The following SP140L variants were observed in gnomAD, a reference collection of about 807,000 sequenced individuals.
SP140L encodes the protein SP140 like nuclear body protein, also known as nuclear body protein SP140-like protein.
In SP140L, 64 loss-of-function variants were observed where a neutral mutation model predicts 84.3. That is an observed-to-expected ratio of 0.76 (90% CI 0.62 to 0.94). The LOEUF is 0.94. Ranked by LOEUF, SP140L falls within the 40% of genes least tolerant of loss-of-function variation. The pLI, the probability that SP140L is intolerant of heterozygous loss-of-function variation, is 0.00. For synonymous variants in SP140L, 242 were observed against 236.9 expected (o/e 1.02, Z -0.20); for missense variants, 628 against 692.5 (o/e 0.91, Z 1.05).
chr2:230,393,297 G>A, intron 12 of SP140L, 117 bp from the exon 13 acceptor site: 1 of 1,111,420 alleles, frequency 9.0e-7, no homozygotes, highest in South Asian at 1.6e-5. Flanking sequence ...CAGACACACT[G>A]GGTTTGAGCT....
intron 7 of SP140L, among the ~76,000 whole-genome samples, chr2:230,382,690 C>T (rs947852252): frequency 2.0e-5 from 3 of 152,200 alleles, no homozygotes; most frequent in African/African-American, 7.2e-5. Flanking sequence ...AGGGTCACAA[C>T]AGAATCCTGA....
intron 6 of SP140L, 118 bp downstream of exon 6, chr2:230,371,085 C>A: frequency 3.5e-6 from 3 of 855,320 alleles, no homozygotes; most frequent in Non-Finnish European, 3.8e-6. Flanking sequence ...TTGCCTCACC[C>A]AAGCCTTTGG....
At chr2:230,357,304 G>C (rs542913631) in intron 2 of SP140L, among the ~76,000 whole-genome samples, 13 of 152,170 alleles carry the variant, frequency 8.5e-5, no homozygotes, top group African/African-American at 2.9e-4. Context: ...TATTATTTAT[G>C]AATTAATTTT....
At chr2:230,353,804 C>T (rs1173080884) in intron 2 of SP140L, among the ~76,000 whole-genome samples, 1 of 151,872 alleles carries the variant, frequency 6.6e-6, no homozygotes, top group Non-Finnish European at 1.5e-5. Flanking sequence ...TGTTTTATTT[C>T]TCTAAAAATG....
intron 5 of SP140L, among the ~76,000 whole-genome samples, chr2:230,365,094 G>C (rs1384545626): frequency 1.3e-5 from 2 of 152,038 alleles, no homozygotes; most frequent in African/African-American, 4.8e-5. Flanking sequence ...ATGTTTATCA[G>C]GGATACTGGC....
intron 4 of SP140L, among the ~76,000 whole-genome samples, chr2:230,359,334 C>T (rs1300259190): frequency 2.6e-5 from 4 of 152,120 alleles, no homozygotes; most frequent in Non-Finnish European, 5.9e-5. Flanking sequence ...GCTTCACTGG[C>T]CACTTAGACT....
Position 230,385,080 on chromosome 2 carries a change from A to G in SP140L, c.704-144A>G, listed in dbSNP as rs915720373. 3.1e-5 allele frequency: 21 copies of G among 670,880 alleles called. No homozygotes were observed. In the Admixed American group the frequency reaches 6.0e-4, roughly 19 times the overall value. 41.6% of individuals were successfully genotyped at this position (670,880 alleles called of 1,614,324 possible). On this transcript the variant is annotated intron_variant, in intron 8 of 18. Coordinates refer to ENST00000415673, the MANE Select transcript of SP140L (RefSeq NM_138402.6). ...TTCTGTGTGTAATTTAGAAGTCAAC[A>G]CTCCCCAAAGCAGAAAATGCTCTGG...
chr2:230,391,562 G>A (rs1347585668), intron 11 of SP140L, among the ~76,000 whole-genome samples: 1 of 152,156 alleles, frequency 6.6e-6, no homozygotes, highest in Non-Finnish European at 1.5e-5. Flanking sequence ...TGATTGCACA[G>A]ATGAGAAAAT....
chr2:230,331,106 T>C (rs1419097186), intron 2 of SP140L, among the ~76,000 whole-genome samples: 1 of 152,032 alleles, frequency 6.6e-6, no homozygotes, highest in African/African-American at 2.4e-5. Context: ...CGTCAAGTGC[T>C]TCCTTTAAGT....
At chr2:230,343,229 T>C (rs1381604807) in intron 2 of SP140L, among the ~76,000 whole-genome samples, 1 of 147,578 alleles carries the variant, frequency 6.8e-6, no homozygotes, top group African/African-American at 2.5e-5. Flanking sequence ...CCTGATGCTG[T>C]CCCTCTCCCT....
At chr2:230,350,669 G>A (rs558532999) in intron 2 of SP140L, among the ~76,000 whole-genome samples, 1 of 152,152 alleles carries the variant, frequency 6.6e-6, no homozygotes, top group Admixed American at 6.5e-5. Context: ...AAACAAATGT[G>A]TAATTTATTT....
intron 1 of SP140L, 55 bp from the exon 2 acceptor site, chr2:230,328,702 A>G (rs1183025498): frequency 6.9e-6 from 11 of 1,584,842 alleles, no homozygotes; most frequent in Non-Finnish European, 9.4e-6. Flanking sequence ...GAATTGTTGA[A>G]GCAAAGGGTG....
chr2:230,361,189 A>T (rs34068539), intron 4 of SP140L, among the ~76,000 whole-genome samples: 30 of 152,126 alleles, frequency 2.0e-4, no homozygotes, highest in Admixed American at 1.8e-3. Flanking sequence ...TAGGTTCAGG[A>T]GATGCTCCTG....
rs571622420 is a variant in SP140L, at chr2:230,334,308, C to G, written c.107+5477C>G. On this transcript the variant is annotated intron_variant, in intron 2 of 18. Transcript: ENST00000415673. Reference sequence around the variant, plus strand: ...TCTTTCATTCTGTGAAACTAGCTGCCATGTATGCACCTACCTTCTGAAATG... The same window carrying G: ...TCTTTCATTCTGTGAAACTAGCTGCGATGTATGCACCTACCTTCTGAAATG... Among the ~76,000 whole-genome samples, 6 of 152,304 alleles carry G rather than the reference C, an allele frequency of 3.9e-5. No homozygotes were observed. The South Asian group carries it at 1.2e-3, about 32-fold the overall frequency.
chr2:230,395,774 C>T (rs960619888), intron 13 of SP140L, among the ~76,000 whole-genome samples: 8 of 152,140 alleles, frequency 5.3e-5, no homozygotes, highest in South Asian at 2.1e-4. Flanking sequence ...GCCTGTATCC[C>T]AGAAGGGAAA....
chr2:230,361,631 T>A lies in SP140L; in HGVS notation c.457T>A (p.Ser153Thr), dbSNP rs568358483. 1.9e-6 allele frequency: 3 copies of A among 1,560,380 alleles called. No individual in the cohort carries two copies. The highest frequency in any genetic ancestry group is 1.2e-5 in the South Asian group (1 of 84,544). Reference sequence around the variant, plus strand: ...CTCTTCAGCAATCCAAGACAAATTGTCTTTCCAAGAAAGTGATCGAAAAGA... The same window carrying A: ...CTCTTCAGCAATCCAAGACAAATTGACTTTCCAAGAAAGTGATCGAAAAGA... ...SFKNAIQDKL[S>T]FQESDRKERE... The change falls in exon 5 of 19, where the codon TCT becomes ACT. Residue 153 changes from serine (S) to threonine (T), a missense_variant. Transcript: ENST00000415673.
intron 2 of SP140L, among the ~76,000 whole-genome samples, chr2:230,354,843 A>AG (rs1491351399): frequency 3.2e-4 from 40 of 126,302 alleles, no homozygotes; most frequent in African/African-American, 5.2e-4. Flanking sequence ...CAAGAAAGAA[A>AG]GAAAGGAAAG....
intron 18 of SP140L, 144 bp from the exon 19 acceptor site, chr2:230,402,654 T>C: frequency 1.6e-6 from 1 of 634,412 alleles, no homozygotes. Flanking sequence ...CACTGCTTTG[T>C]ACTCCAAAAT....
rs145093600 is a variant in SP140L at position 230,375,171 on chromosome 2, T to C, written c.637+3520T>C. On this transcript the variant is annotated intron_variant, in intron 7 of 18. Coordinates refer to ENST00000415673, the MANE Select transcript of SP140L (RefSeq NM_138402.6). Reference sequence around the variant, plus strand: ...AACACACATAGAATTCATTTATTGGTGTATGATGTGAGATGATAATTAAGA... The same window carrying C: ...AACACACATAGAATTCATTTATTGGCGTATGATGTGAGATGATAATTAAGA... Among the ~76,000 whole-genome samples, 493 of 152,364 alleles carry C rather than the reference T, an allele frequency of 3.2e-3. 3 individuals carry two copies. The highest frequency in any genetic ancestry group is 0.011 in the African/African-American group (462 of 41,594).
Sources: allele counts gnomAD v4.1 joint callset (sites outside exome capture counted in the v4.1 genomes callset), GRCh38; gene constraint gnomAD v4.1.1; transcripts MANE v1.5; gene names NCBI Gene and HGNC (gene_info 2026-07-23, HGNC 2026-07-21).